Variants in TIMM44 observed in about 807,000 individuals in gnomAD.
TIMM44 encodes the protein mitochondrial import inner membrane translocase subunit TIM44.
A neutral mutation model predicts 63.8 loss-of-function variants in TIMM44; 37 were observed. The ratio of observed to expected loss-of-function variants is 0.58; its 90% CI spans 0.45 to 0.76. TIMM44 has a LOEUF of 0.76. Among genes scored for constraint, TIMM44 ranks in the 30% least tolerant of loss-of-function variants. The probability of loss-of-function intolerance (pLI) is 0.00; values close to 1 mark genes in which losing one functional copy is unlikely to be tolerated. For missense variants in TIMM44, 573 were observed against 603.8 expected, an observed-to-expected ratio of 0.95 and a Z score of 0.54; for synonymous variants, 239 against 245.1, an observed-to-expected ratio of 0.98 and a Z score of 0.23.
At position 7,934,709 on chromosome 19, in the gene TIMM44, G is replaced by A. The variant is rs1039327656; in HGVS notation, c.393+356C>T. Among the ~76,000 whole-genome samples, 4 of 152,178 alleles carry A rather than the reference G, an allele frequency of 2.6e-5. No individual in the cohort carries two copies. The highest frequency in any genetic ancestry group is 1.9e-4 in the East Asian group (1 of 5,188). ...AAAGCTGGACAGAACAGACAACCGA[G>A]GAGAGCCGCAGCACCCCAGGAATCC... On this transcript the variant is annotated intron_variant, in intron 4 of 12. Transcript: ENST00000270538. The surrounding 1 kb of genome is among the most constrained non-coding windows in gnomAD (Gnocchi z 5.3).
Position 7,934,028 on chromosome 19 carries a change from G to T in TIMM44, c.544-25C>A, listed in dbSNP as rs767312746. The T allele has an allele frequency of 2.4e-5, 39 of 1,613,582 alleles. No homozygotes were observed. Among genetic ancestry groups the T allele is most frequent in the Non-Finnish European group, 3.1e-5 (36 of 1,179,980 alleles). On this transcript the variant is annotated intron_variant, in intron 5 of 12. Transcript: ENST00000270538. This position sits in a 1 kb window ranked among gnomAD's most constrained non-coding sequence, Gnocchi z 5.3. ...CCTGCGAGGGAGGCACAGCGGGGCT[G>T]GGGTGGGTGTCTGGGTTCGGCCGCC... is the stretch of plus-strand genomic sequence containing the variant.
In TIMM44 at chr19:7,927,113, G is replaced by C; in HGVS notation, c.*74C>G. 1 of 1,540,662 alleles carries C rather than the reference G, an allele frequency of 6.5e-7. No homozygotes were observed. The highest frequency in any genetic ancestry group is 8.7e-7 in the Non-Finnish European group (1 of 1,147,986). Reference sequence around the variant, plus strand: ...GCAGTCTTGTTCCCAGAGGTCTGGAGTTGCCGCAGGTGGTGTTGCGGTGCC... The same window carrying C: ...GCAGTCTTGTTCCCAGAGGTCTGGACTTGCCGCAGGTGGTGTTGCGGTGCC... On this transcript the variant is annotated 3_prime_UTR_variant, in exon 13 of 13. Coordinates refer to ENST00000270538, the MANE Select transcript of TIMM44 (RefSeq NM_006351.4).
At chr19:7,941,934 T>C (rs1008444705) in intron 1 of TIMM44, among the ~76,000 whole-genome samples, 2 of 152,170 alleles carry the variant, frequency 1.3e-5, no homozygotes, top group African/African-American at 4.8e-5. Context: ...CAAACATCGA[T>C]AATGTGTTGC....
rs1277440716 is a variant in TIMM44, at chr19:7,933,253, C to T, written c.769+232G>A. 6.6e-6 allele frequency among the ~76,000 whole-genome samples: 1 copy of T among 152,216 alleles called. No individual in the cohort carries two copies. Among genetic ancestry groups the T allele is most frequent in the East Asian group, 1.9e-4 (1 of 5,186 alleles). On this transcript the variant is annotated intron_variant, in intron 7 of 12. Coordinates refer to ENST00000270538, the MANE Select transcript of TIMM44 (RefSeq NM_006351.4). This position sits in a 1 kb window ranked among gnomAD's most constrained non-coding sequence, Gnocchi z 4.3. ...GTCCTCACAGGACAAGGGACAGGGG[C>T]CTGCGGCTCGTTTCGGGGCCCTGAC...
intron 3 of TIMM44, among the ~76,000 whole-genome samples, chr19:7,936,706 A>C (rs1008513734): frequency 6.6e-6 from 1 of 151,916 alleles, no homozygotes; most frequent in Admixed American, 6.6e-5. Flanking sequence ...AGTGGCTCAC[A>C]CCTGTAATCC....
intron 12 of TIMM44, 110 bp from the exon 13 acceptor site, chr19:7,927,416 G>C: frequency 7.3e-7 from 1 of 1,378,364 alleles, no homozygotes; most frequent in Non-Finnish European, 1.0e-6. Flanking sequence ...TTCCCCAGGG[G>C]CTGGGAGCAG....
In TIMM44 at chr19:7,928,140, G is replaced by A. The variant is rs779912806; in HGVS notation, c.1065C>T (p.Ile355=). The change falls in exon 11 of 13, where the codon ATC becomes ATT. Residue 355 remains isoleucine (I), a synonymous_variant. Coordinates refer to ENST00000270538, the MANE Select transcript of TIMM44 (RefSeq NM_006351.4). ...GGAGACCCAGTGCCTTGGCCTGCTG[G>A]ATGGGGTGGGCCAGCTGGCTGTAAG... ...EATYSQLAHP[I]QQAKALGLQF... is the part of the protein sequence containing the mutation. The A allele has an allele frequency of 1.9e-6, 3 of 1,613,956 alleles. No individual in the cohort carries two copies. In the South Asian group the frequency reaches 3.3e-5, roughly 18 times the overall value.
intron 2 of TIMM44, 53 bp downstream of exon 2, chr19:7,941,049 G>T: frequency 2.0e-6 from 3 of 1,476,150 alleles, no homozygotes; most frequent in South Asian, 2.3e-5. Context: ...AATGGGATCT[G>T]AATTTTCGGG....
intron 8 of TIMM44, 37 bp from the exon 9 acceptor site, chr19:7,932,788 C>T (rs758307249): frequency 2.7e-5 from 43 of 1,614,064 alleles, no homozygotes; most frequent in East Asian, 4.5e-5. Flanking sequence ...GGGGGAAGGC[C>T]GGGGACCCCG....
chr19:7,933,973 C>T lies in TIMM44; in HGVS notation c.574G>A (p.Asp192Asn), dbSNP rs754767665. The change falls in exon 6 of 13, where the codon GAC becomes AAC. Residue 192 changes from aspartate to asparagine, a missense_variant. By Grantham distance (23) the Asp-to-Asn change is conservative. Coordinates refer to ENST00000270538, the MANE Select transcript of TIMM44 (RefSeq NM_006351.4). This position sits in a 1 kb window ranked among gnomAD's most constrained non-coding sequence, Gnocchi z 4.3. ...GVESVKKEIDDSVLGQTGPYR... is the reference protein window; with the variant it reads ...GVESVKKEIDNSVLGQTGPYR... The stretch of plus-strand genomic sequence containing the variant: ...GGCCCGGTCTGTCCCAGGACGCTGT[C>T]GTCAATTTCCTTCTTCACGGACTCC... 3.8e-5 allele frequency: 62 copies of T among 1,613,994 alleles called. No individual in the cohort carries two copies. The highest frequency in any genetic ancestry group is 1.5e-4 in the South Asian group (14 of 91,086).
In TIMM44 at chr19:7,926,765, T is replaced by C. The variant is rs1281706273; in HGVS notation, c.*422A>G. 5.4e-5 allele frequency: 14 copies of C among 259,094 alleles called. No individual in the cohort carries two copies. Among genetic ancestry groups the C allele is most frequent in the Non-Finnish European group, 1.0e-4 (13 of 129,136 alleles). The allele number at this position is 259,094 out of a possible 1,614,324, so 16.0% of individuals were successfully genotyped here. A position where few individuals can be genotyped will look rare whatever the true frequency, so the allele number is the denominator to read the frequency against. ...TTATTCTTTCCAAATCTCAGGCTTA[T>C]GCACAAGATGGAAGAGCACTGTTAA... On this transcript the variant is annotated 3_prime_UTR_variant, in exon 13 of 13. Transcript: ENST00000270538.
chr19:7,941,725 T>C (rs1984317402), intron 1 of TIMM44, among the ~76,000 whole-genome samples: 1 of 152,016 alleles, frequency 6.6e-6, no homozygotes. Flanking sequence ...TCTATCCTCG[T>C]GCCCCTGAAA....
chr19:7,941,412 C>T (rs1568299127), intron 1 of TIMM44, among the ~76,000 whole-genome samples: 2 of 151,720 alleles, frequency 1.3e-5, no homozygotes, highest in Admixed American at 6.6e-5. Flanking sequence ...CTCAGTCTCC[C>T]GAGTAGCTGG....
chr19:7,932,569 G>A (rs1984016183), intron 9 of TIMM44, 58 bp downstream of exon 9: 1 of 1,597,320 alleles, frequency 6.3e-7, no homozygotes, highest in African/African-American at 1.3e-5. Context: ...CTGCGGCGGG[G>A]GAGGTGGTGG....
At position 7,933,665 on chromosome 19, in the gene TIMM44, G is replaced by A. The variant is rs888358886; in HGVS notation, c.684-95C>T. ...GGCAGGGGGCAGTACAGGACAGCAG[G>A]CAGCTGAGACCTCAAACCTAGGGGC... On this transcript the variant is annotated intron_variant, in intron 6 of 12. Transcript: ENST00000270538. This position sits in a 1 kb window ranked among gnomAD's most constrained non-coding sequence, Gnocchi z 4.3. 2 of 1,328,456 alleles carry A rather than the reference G, an allele frequency of 1.5e-6. No individual in the cohort carries two copies. Among genetic ancestry groups the A allele is most frequent in the Non-Finnish European group, 2.2e-6 (2 of 924,548 alleles). 82.3% of individuals were successfully genotyped at this position (1,328,456 alleles called of 1,614,324 possible). A position where few individuals can be genotyped will look rare whatever the true frequency, so the allele number is the denominator to read the frequency against.
At chr19:7,941,867 C>T (rs1043801677) in intron 1 of TIMM44, among the ~76,000 whole-genome samples, 1 of 152,182 alleles carries the variant, frequency 6.6e-6, no homozygotes, top group Non-Finnish European at 1.5e-5. Context: ...TCTTCTCTTG[C>T]GAGCCCACCC....
chr19:7,931,110 A>T lies in TIMM44; in HGVS notation c.1038+28T>A, dbSNP rs201242691. On this transcript the variant is annotated intron_variant, in intron 10 of 12. Coordinates refer to ENST00000270538, the MANE Select transcript of TIMM44 (RefSeq NM_006351.4). Reference sequence around the variant, plus strand: ...GGTGATTTTTTAGGCCTTAAAAAAAAAAAAAGAAAAAGAAAGGAAGTACTC... The same window carrying T: ...GGTGATTTTTTAGGCCTTAAAAAAATAAAAAGAAAAAGAAAGGAAGTACTC... 7 of 1,609,546 alleles carry T rather than the reference A, an allele frequency of 4.3e-6. 1 individual carries two copies. Among genetic ancestry groups the T allele is most frequent in the South Asian group, 3.3e-5 (3 of 90,034 alleles).
In TIMM44 at chr19:7,934,556, C is replaced by A. The variant is rs1294291260; in HGVS notation, c.394-318G>T. On this transcript the variant is annotated intron_variant, in intron 4 of 12. Transcript: ENST00000270538. This position sits in a 1 kb window ranked among gnomAD's most constrained non-coding sequence, Gnocchi z 5.3. ...CTGGCCCTGGGCTCTGGGTGAGACGCTGGGTCTGCTGGCCCCTTTCCAAAA... is the reference window on the plus strand; with the variant it reads ...CTGGCCCTGGGCTCTGGGTGAGACGATGGGTCTGCTGGCCCCTTTCCAAAA... 6.6e-6 allele frequency among the ~76,000 whole-genome samples: 1 copy of A among 152,158 alleles called. No individual in the cohort carries two copies. The highest frequency in any genetic ancestry group is 1.5e-5 in the Non-Finnish European group (1 of 68,030).
rs56405837 is a variant in TIMM44, at chr19:7,934,407, A to C, written c.394-169T>G. Among the ~76,000 whole-genome samples the C allele has an allele frequency of 0.084, 11,860 of 141,704 alleles. 671 individuals are homozygous for C. The highest frequency in any genetic ancestry group is 0.17 in the African/African-American group (6,316 of 37,318). The allele number at this position is 141,704 out of a possible 152,430, so 93.0% of individuals were successfully genotyped here. ...CGGCACCCCCAGAGCCATGAGCACA[A>C]CGGCACCCCCAGAGCCACGAGCACA... On this transcript the variant is annotated intron_variant, in intron 4 of 12. Transcript: ENST00000270538. The surrounding 1 kb of genome is among the most constrained non-coding windows in gnomAD (Gnocchi z 5.3).
Sources: allele counts gnomAD v4.1 joint callset (sites outside exome capture counted in the v4.1 genomes callset), GRCh38; gene constraint gnomAD v4.1.1; non-coding constraint Gnocchi (gnomAD v3.1); transcripts MANE v1.5; gene names NCBI Gene and HGNC (gene_info 2026-07-23, HGNC 2026-07-21).